Variants in FAM107A observed in about 807,000 individuals in gnomAD.
The protein encoded by FAM107A is actin-associated protein FAM107A.
Under a neutral mutation model 13.7 loss-of-function variants are expected in FAM107A, and 19 were observed. The observed-to-expected ratio is 1.38, with a 90% CI of 0.97 to 2.03. The LOEUF is 2.03. FAM107A is among the 30% of genes most tolerant of loss of function. The pLI, the probability that FAM107A is intolerant of heterozygous loss-of-function variation, is 0.00. For synonymous variants in FAM107A, 82 were observed against 74.5 expected (o/e 1.10, Z -0.52); for missense variants, 203 against 184.4 (o/e 1.10, Z -0.58).
chr3:58,569,928 A>G lies in FAM107A; in HGVS notation c.-5-63T>C, dbSNP rs2063665064. 1 of 1,527,318 alleles carries G rather than the reference A, an allele frequency of 6.5e-7. No individual in the cohort carries two copies. The highest frequency in any genetic ancestry group is 1.9e-5 in the Admixed American group (1 of 51,696). The allele number at this position is 1,527,318 out of a possible 1,614,324, so 94.6% of individuals were successfully genotyped here. ...CTATAATCTCACCCTGCCCCATGGG[A>G]CACAGTTGAAGGGCAAGGTTTTCAT... On this transcript the variant is annotated intron_variant, in intron 1 of 3. Transcript: ENST00000360997. The surrounding 1 kb of genome is among the most constrained non-coding windows in gnomAD (Gnocchi z 5.7).
chr3:58,599,150 C>T (rs2065731469), intron 1 of FAM107A, among the ~76,000 whole-genome samples: 1 of 152,122 alleles, frequency 6.6e-6, no homozygotes, highest in Non-Finnish European at 1.5e-5. Context: ...CCATGTTGGC[C>T]AGGCTGGTCT....
chr3:58,571,816 TA>T (rs563135992), intron 1 of FAM107A, among the ~76,000 whole-genome samples: 121 of 152,324 alleles, frequency 7.9e-4, no homozygotes, highest in Middle Eastern at 3.4e-3. Context: ...CACACTTTAA[TA>T]ACTACTTTGG....
At chr3:58,570,464 A>G (rs1355480997) in intron 1 of FAM107A, 13 of 683,816 alleles carry the variant, frequency 1.9e-5, no homozygotes, top group Non-Finnish European at 2.3e-5. Flanking sequence ...TGGCTACTCA[A>G]TGGCCCCACT....
chr3:58,579,107 G>A (rs1014970681), upstream of FAM107A, among the ~76,000 whole-genome samples: 1 of 152,194 alleles, frequency 6.6e-6, no homozygotes, highest in African/African-American at 2.4e-5. Context: ...TGGGTGAGGT[G>A]AGAGCGGGTG....
chr3:58,586,370 A>G (rs1333561703), intron 1 of FAM107A, among the ~76,000 whole-genome samples: 4 of 152,180 alleles, frequency 2.6e-5, no homozygotes, highest in Non-Finnish European at 5.9e-5. Flanking sequence ...AGATCCCCAA[A>G]AGGATGAATG....
chr3:58,597,194 A>G (rs903862227), intron 1 of FAM107A, among the ~76,000 whole-genome samples: 1 of 152,222 alleles, frequency 6.6e-6, no homozygotes, highest in African/African-American at 2.4e-5. Flanking sequence ...ATGAGTGCTC[A>G]TTTCTGTTGG....
At chr3:58,586,582 G>A (rs1313256803) in intron 1 of FAM107A, among the ~76,000 whole-genome samples, 1 of 152,012 alleles carries the variant, frequency 6.6e-6, no homozygotes, top group Non-Finnish European at 1.5e-5. Flanking sequence ...CCAGCTACTC[G>A]GGAGGCTGAG....
intron 1 of FAM107A, among the ~76,000 whole-genome samples, chr3:58,592,713 C>T (rs537973643): frequency 4.6e-5 from 7 of 152,324 alleles, no homozygotes; most frequent in East Asian, 1.9e-4. Flanking sequence ...CTTTTAAAGA[C>T]ACACCTCACC....
chr3:58,596,656 G>T (rs1156870857), intron 1 of FAM107A, among the ~76,000 whole-genome samples: 1 of 148,658 alleles, frequency 6.7e-6, no homozygotes. Flanking sequence ...TCCAGCCTGG[G>T]TGACAGAGCC....
At chr3:58,571,054 C>G (rs1289185139) in intron 1 of FAM107A, among the ~76,000 whole-genome samples, 1 of 152,170 alleles carries the variant, frequency 6.6e-6, no homozygotes, top group African/African-American at 2.4e-5. Context: ...ATTCTCTGCC[C>G]AAATGCAGTT....
chr3:58,569,832 G>GC lies in FAM107A; in HGVS notation c.28dup (p.Ala10GlyfsTer88). ...CCGGGCCATCAGGCCCCCAATGTCT[G>GC]CCCGCTCCCTCTGGATCTCCGAGTA... is the stretch of plus-strand genomic sequence containing the variant. On this transcript the variant is annotated frameshift_variant, in exon 2 of 4. Coordinates refer to ENST00000360997, the MANE Select transcript of FAM107A (RefSeq NM_001076778.3). LOFTEE classifies it high-confidence loss of function. This position sits in a 1 kb window ranked among gnomAD's most constrained non-coding sequence, Gnocchi z 5.7. 1.2e-6 allele frequency: 2 copies of GC among 1,614,062 alleles called. No homozygotes were observed. The highest frequency in any genetic ancestry group is 1.7e-6 in the Non-Finnish European group (2 of 1,179,986).
chr3:58,566,285 A>T lies in FAM107A; in HGVS notation c.*303T>A, dbSNP rs1205102667. 1 of 321,396 alleles carries T rather than the reference A, an allele frequency of 3.1e-6. No homozygotes were observed. The highest frequency in any genetic ancestry group is 2.1e-5 in the African/African-American group (1 of 46,788). 19.9% of individuals were successfully genotyped at this position (321,396 alleles called of 1,614,324 possible). A position where few individuals can be genotyped will look rare whatever the true frequency, so the allele number is the denominator to read the frequency against. ...AGAAGGCTTGTCAAGTCAGAGGGCCACCTCTTCCTCCTCAATTCTGCCAGA... is the reference window on the plus strand; with the variant it reads ...AGAAGGCTTGTCAAGTCAGAGGGCCTCCTCTTCCTCCTCAATTCTGCCAGA... On this transcript the variant is annotated 3_prime_UTR_variant, in exon 4 of 4. Transcript: ENST00000360997.
chr3:58,626,757 C>G (rs918228530), intron 1 of FAM107A, among the ~76,000 whole-genome samples: 2 of 152,134 alleles, frequency 1.3e-5, no homozygotes, highest in Admixed American at 6.5e-5. Context: ...TGGCTGCCCC[C>G]GAGTCTGTCC....
At chr3:58,595,515 T>G (rs1223088033) in intron 1 of FAM107A, among the ~76,000 whole-genome samples, 2 of 152,166 alleles carry the variant, frequency 1.3e-5, no homozygotes, top group African/African-American at 4.8e-5. Context: ...AGGTATGTTG[T>G]AATAGTCTCC....
chr3:58,620,543 T>C (rs1202597155), intron 1 of FAM107A, among the ~76,000 whole-genome samples: 1 of 152,258 alleles, frequency 6.6e-6, no homozygotes, highest in South Asian at 2.1e-4. Flanking sequence ...TTCTCCCTCC[T>C]AAGCTGGGCT....
intron 1 of FAM107A, among the ~76,000 whole-genome samples, chr3:58,619,381 C>T (rs993456687): frequency 6.6e-5 from 10 of 152,178 alleles, no homozygotes; most frequent in South Asian, 2.1e-4. Context: ...AAGGTGCCAC[C>T]GAACCAAATC....
chr3:58,585,676 C>T (rs549594975), intron 1 of FAM107A, among the ~76,000 whole-genome samples: 105 of 152,320 alleles, frequency 6.9e-4, no homozygotes, highest in African/African-American at 2.5e-3. Flanking sequence ...AGCCCAAGTC[C>T]CTTGACGCTT....
At chr3:58,589,150 GT>G, upstream of FAM107A, 1 of 1,126,068 alleles carries the variant, frequency 8.9e-7, no homozygotes. Context: ...CTTTTGTGGA[GT>G]ATCTGAAGGG....
rs2065778516 is a variant in FAM107A at position 58,604,709 on chromosome 3, C to T, written c.-69-15440G>A. On this transcript the variant is annotated intron_variant, in intron 1 of 3. Coordinates refer to the FAM107A transcript ENST00000465970. The surrounding 1 kb of genome is among the most constrained non-coding windows in gnomAD (Gnocchi z 4.1). ...AGATAAGCAGCTGGCATTTGTTGGGCATCTACTATGTGCTAAACACTGGAC... is the reference window on the plus strand; with the variant it reads ...AGATAAGCAGCTGGCATTTGTTGGGTATCTACTATGTGCTAAACACTGGAC... Among the ~76,000 whole-genome samples the T allele has an allele frequency of 6.6e-6, 1 of 152,198 alleles. No individual in the cohort carries two copies. The highest frequency in any genetic ancestry group is 2.1e-4 in the South Asian group (1 of 4,830).
Sources: allele counts gnomAD v4.1 joint callset (sites outside exome capture counted in the v4.1 genomes callset), GRCh38; gene constraint gnomAD v4.1.1; non-coding constraint Gnocchi (gnomAD v3.1); transcripts MANE v1.5; gene names NCBI Gene and HGNC (gene_info 2026-07-23, HGNC 2026-07-21).